SLC44A5: variants seen among roughly 807,000 people sequenced by gnomAD.
The protein encoded by SLC44A5 is solute carrier family 44 member 5.
In SLC44A5, 57 loss-of-function variants were observed where a neutral mutation model predicts 101.8. That is an observed-to-expected ratio of 0.56 (90% CI 0.45 to 0.70). SLC44A5 has a LOEUF of 0.70. SLC44A5 is among the 30% of genes least tolerant of loss of function. The probability of loss-of-function intolerance (pLI) is 0.00; values close to 1 mark genes in which losing one functional copy is unlikely to be tolerated. For synonymous variants in SLC44A5, 281 were observed against 290.9 expected (o/e 0.97, Z 0.35); for missense variants, 737 against 853.1 (o/e 0.86, Z 1.70).
intron 2 of SLC44A5, among the ~76,000 whole-genome samples, chr1:75,453,704 C>T (rs532803869): frequency 9.9e-5 from 15 of 151,998 alleles, no homozygotes; most frequent in African/African-American, 3.1e-4. Context: ...CAATCACCAG[C>T]GACAATGATG....
the SLC44A5 span, among the ~76,000 whole-genome samples, chr1:75,661,017 C>T: frequency 3.5e-4 from 53 of 152,004 alleles, no homozygotes; most frequent in African/African-American, 1.3e-3. Flanking sequence ...CACAAAAGAT[C>T]CTGAATAGCC....
intron 1 of SLC44A5, among the ~76,000 whole-genome samples, chr1:75,573,615 T>C (rs914651358): frequency 6.6e-6 from 1 of 152,188 alleles, no homozygotes; most frequent in Non-Finnish European, 1.5e-5. Context: ...TTGCTGGGTA[T>C]CGTCCTGACT....
In SLC44A5 at chr1:75,502,175, A is replaced by G. The variant is rs923304867; in HGVS notation, c.13+39260T>C. On this transcript the variant is annotated intron_variant, in intron 2 of 23. Transcript: ENST00000370859. ...CACCAAGTAAATGGTCAAATTCTGTACTACACACACATGCACACTCACAGG... is the reference window on the plus strand; with the variant it reads ...CACCAAGTAAATGGTCAAATTCTGTGCTACACACACATGCACACTCACAGG... Among the ~76,000 whole-genome samples, 7 of 152,322 alleles carry G rather than the reference A, an allele frequency of 4.6e-5. 1 individual carries two copies. Among genetic ancestry groups the G allele is most frequent in the African/African-American group, 1.7e-4 (7 of 41,566 alleles).
chr1:75,251,206 T>G lies in SLC44A5; in HGVS notation c.345+4A>C. On this transcript the variant is annotated splice_donor_region_variant and intron_variant, in intron 7 of 23. Transcript: ENST00000370859. ...CACTACCAGTGAGGCACCTTTTGCC[T>G]TACCTGTGTGGTAGGGCACTGTAGG... The G allele has an allele frequency of 6.2e-7, 1 of 1,607,378 alleles. No homozygotes were observed. The highest frequency in any genetic ancestry group is 8.5e-7 in the Non-Finnish European group (1 of 1,174,180).
chr1:75,370,345 A>G (rs1446419997), intron 3 of SLC44A5, among the ~76,000 whole-genome samples: 1 of 152,204 alleles, frequency 6.6e-6, no homozygotes, highest in Non-Finnish European at 1.5e-5. Context: ...AATTTTTTCC[A>G]CTTCAAACTG....
At chr1:75,229,990 A>G (rs537266702) in intron 12 of SLC44A5, among the ~76,000 whole-genome samples, 4 of 152,248 alleles carry the variant, frequency 2.6e-5, no homozygotes, top group African/African-American at 9.6e-5. Context: ...CCTATTTTCT[A>G]TTTCTTTGAA....
At chr1:75,231,492 T>C (rs932593919) in intron 12 of SLC44A5, among the ~76,000 whole-genome samples, 1 of 152,164 alleles carries the variant, frequency 6.6e-6, no homozygotes, top group Non-Finnish European at 1.5e-5. Context: ...AATTTCTCTT[T>C]CTTTGCTTTC....
chr1:75,309,874 T>A (rs934715660), intron 4 of SLC44A5, among the ~76,000 whole-genome samples: 3 of 152,238 alleles, frequency 2.0e-5, no homozygotes, highest in African/African-American at 7.2e-5. Flanking sequence ...ACCATTGTAA[T>A]GGAAATTTGA....
intron 2 of SLC44A5, among the ~76,000 whole-genome samples, chr1:75,539,249 C>G (rs1375623832): frequency 6.6e-6 from 1 of 152,148 alleles, no homozygotes; most frequent in East Asian, 1.9e-4. Flanking sequence ...TGTACCTTAC[C>G]TACATGTAAT....
chr1:75,482,360 T>G (rs1375097576), intron 2 of SLC44A5, among the ~76,000 whole-genome samples: 1 of 152,086 alleles, frequency 6.6e-6, no homozygotes, highest in Non-Finnish European at 1.5e-5. Context: ...GCATGGCACA[T>G]GTGTACATAT....
At chr1:75,615,864 G>A, upstream of SLC44A5, 2 of 988,012 alleles carry the variant, frequency 2.0e-6, no homozygotes, top group Non-Finnish European at 2.4e-6. Flanking sequence ...CTTGATGCTG[G>A]GGGGCTTTCT....
intron 2 of SLC44A5, among the ~76,000 whole-genome samples, chr1:75,456,615 T>C (rs944092877): frequency 6.6e-6 from 1 of 152,252 alleles, no homozygotes; most frequent in African/African-American, 2.4e-5. Context: ...TGTTTTCACT[T>C]GGAGTTTTCT....
intron 4 of SLC44A5, among the ~76,000 whole-genome samples, chr1:75,325,696 G>A (rs1239866651): frequency 2.0e-5 from 3 of 151,984 alleles, no homozygotes; most frequent in Non-Finnish European, 2.9e-5. Flanking sequence ...TCATAGGTAT[G>A]TATGTATAGG....
chr1:75,480,869 C>T (rs535573544), intron 2 of SLC44A5, among the ~76,000 whole-genome samples: 1 of 152,296 alleles, frequency 6.6e-6, no homozygotes, highest in South Asian at 2.1e-4. Flanking sequence ...CATCAAGCTA[C>T]CAATGACTTT....
the SLC44A5 span, among the ~76,000 whole-genome samples, chr1:75,696,207 T>C: frequency 6.6e-6 from 1 of 152,180 alleles, no homozygotes; most frequent in African/African-American, 2.4e-5. Context: ...CTGCTTATTG[T>C]TGTGGCATAC....
At chr1:75,605,050 G>C (rs899546930) in intron 1 of SLC44A5, among the ~76,000 whole-genome samples, 2 of 151,798 alleles carry the variant, frequency 1.3e-5, no homozygotes, top group South Asian at 4.2e-4. Flanking sequence ...GGGAAGAGTG[G>C]GCATCCTTGT....
chr1:75,717,576 A>G, the SLC44A5 span, among the ~76,000 whole-genome samples: 3 of 152,162 alleles, frequency 2.0e-5, no homozygotes, highest in Non-Finnish European at 4.4e-5. Context: ...TTACCTATAT[A>G]ATAAACCTGC....
intron 4 of SLC44A5, among the ~76,000 whole-genome samples, chr1:75,311,957 A>G (rs1655335293): frequency 6.6e-6 from 1 of 152,092 alleles, no homozygotes; most frequent in South Asian, 2.1e-4. Flanking sequence ...AGCCAGTGAT[A>G]TGGTTTGGCT....
chr1:75,505,497 C>T (rs1167915001), intron 2 of SLC44A5, among the ~76,000 whole-genome samples: 3 of 152,204 alleles, frequency 2.0e-5, no homozygotes, highest in Non-Finnish European at 4.4e-5. Flanking sequence ...TCCCTTTTCT[C>T]TGCAGCCTCA....
Sources: allele counts gnomAD v4.1 joint callset (sites outside exome capture counted in the v4.1 genomes callset), GRCh38; gene constraint gnomAD v4.1.1; transcripts MANE v1.5; gene names NCBI Gene and HGNC (gene_info 2026-07-23, HGNC 2026-07-21).